The following CDKN2A variants were observed in gnomAD, a reference collection of about 807,000 sequenced individuals.
The protein encoded by CDKN2A is cyclin dependent kinase inhibitor 2A.
In CDKN2A, 3 loss-of-function variants were observed where a neutral mutation model predicts 11.1. The observed-to-expected ratio is 0.27, with a 90% confidence interval of 0.12 to 0.70. The LOEUF (loss-of-function observed/expected upper bound fraction) is 0.70, where lower values mean the gene tolerates loss of function less well. CDKN2A is among the 30% of genes least tolerant of loss of function. The pLI is 0.77. For synonymous variants in CDKN2A, 122 were observed against 108.1 expected, an observed-to-expected ratio of 1.13 and a Z score of -0.80; for missense variants, 265 against 233.6, an observed-to-expected ratio of 1.13 and a Z score of -0.88.
At chr9:21,994,623 C>A in intron 1 of CDKN2A, 1 of 480,780 alleles carries the variant, frequency 2.1e-6, no homozygotes. Flanking sequence ...GAGGCGCGCG[C>A]GCGGGCGGCT....
chr9:21,974,169 G>A lies in CDKN2A; in HGVS notation c.150+509C>T, dbSNP rs1326155446. Among the ~76,000 whole-genome samples the A allele has an allele frequency of 1.3e-5, 2 of 152,298 alleles. No individual in the cohort carries two copies. The highest frequency in any genetic ancestry group is 3.9e-4 in the East Asian group (2 of 5,184). Reference sequence around the variant, plus strand: ...ATCTCCCAAAGTGAAGGGATTACAAGGCGTGAGGCACCGCGCCCGGCCGCT... The same window carrying A: ...ATCTCCCAAAGTGAAGGGATTACAAAGCGTGAGGCACCGCGCCCGGCCGCT... On this transcript the variant is annotated intron_variant, in intron 1 of 2. Transcript: ENST00000304494. This position sits in a 1 kb window ranked among gnomAD's most constrained non-coding sequence, Gnocchi z 5.2.
chr9:21,974,809 T>A lies in CDKN2A; in HGVS notation c.19A>T (p.Ser7Cys), dbSNP rs1554656670. The change falls in exon 1 of 3, where the codon AGC becomes TGC. Residue 7 changes from serine (S) to cysteine (C), a missense_variant. Physicochemically the swap from Ser to Cys is moderately radical, Grantham distance 112 (BLOSUM62 -1). Transcript: ENST00000304494. This position sits in a 1 kb window ranked among gnomAD's most constrained non-coding sequence, Gnocchi z 5.2. Reference sequence around the variant, plus strand: ...CAGTCAGCCGAAGGCTCCATGCTGCTCCCCGCCGCCGGCTCCATGCTGCTC... The same window carrying A: ...CAGTCAGCCGAAGGCTCCATGCTGCACCCCGCCGCCGGCTCCATGCTGCTC... The part of the protein sequence containing the change: MEPAAG[S>C]SMEPSADWLA... 1.2e-6 allele frequency: 2 copies of A among 1,602,350 alleles called. No individual in the cohort carries two copies. Among genetic ancestry groups the A allele is most frequent in the Non-Finnish European group, 8.5e-7 (1 of 1,177,750 alleles).
chr9:21,968,799 C>T lies in CDKN2A; in HGVS notation c.458-557G>A. On this transcript the variant is annotated intron_variant, in intron 2 of 2. Coordinates refer to ENST00000304494, the MANE Select transcript of CDKN2A (RefSeq NM_000077.5). This position sits in a 1 kb window ranked among gnomAD's most constrained non-coding sequence, Gnocchi z 4.7. ...GAAACAAAATGGATGCTCATTTATT[C>T]ATGTGCTCTGGCTTCTGCCTTCCTC... 6.5e-7 allele frequency: 1 copy of T among 1,535,582 alleles called. No individual in the cohort carries two copies. The highest frequency in any genetic ancestry group is 8.7e-7 in the Non-Finnish European group (1 of 1,146,390).
Position 21,994,355 on chromosome 9 carries a change from G to C in CDKN2A, c.-175-302C>G. ...ATGTTCTCGCCGCCTCCAGGGCCGA[G>C]CTCGGCAGCCGCTGCGCCGCCCTTT... On this transcript the variant is annotated intron_variant, in intron 1 of 3. Coordinates refer to the CDKN2A transcript ENST00000494262. 6.2e-7 allele frequency: 1 copy of C among 1,606,904 alleles called. No homozygotes were observed. The highest frequency in any genetic ancestry group is 1.7e-4 in the Middle Eastern group (1 of 6,034).
Position 21,981,071 on chromosome 9 carries a change from CGTGTATATATATATAT to C in CDKN2A, c.-3-9879_-3-9864del, listed in dbSNP as rs1820178258. Among the ~76,000 whole-genome samples, 2 of 50,210 alleles carry C rather than the reference CGTGTATATATATATAT, an allele frequency of 4.0e-5. 1 individual carries two copies. Among genetic ancestry groups the C allele is most frequent in the African/African-American group, 1.6e-4 (2 of 12,128 alleles). 32.9% of individuals were successfully genotyped at this position (50,210 alleles called of 152,430 possible). ...ATATATATACGTGTATATATATATA[CGTGTATATATATATAT>C]ACGTGTATATATATACGTGTATATA... On this transcript the variant is annotated intron_variant, in intron 2 of 3. Transcript: ENST00000494262.
rs965897956 is a variant in CDKN2A at position 21,994,130 on chromosome 9, C to T, written c.-175-77G>A. 6.2e-7 allele frequency: 1 copy of T among 1,600,044 alleles called. No individual in the cohort carries two copies. On this transcript the variant is annotated intron_variant, in intron 1 of 3. Coordinates refer to the CDKN2A transcript ENST00000494262. ...AATGCGCCCCGGACTTTTCGAGGGC[C>T]TTTCCTACCTGGTCTTCTAGGAAGC...
chr9:21,980,613 T>TA (rs1820148379), intron 2 of CDKN2A, among the ~76,000 whole-genome samples: 1 of 152,110 alleles, frequency 6.6e-6, no homozygotes, highest in Admixed American at 6.5e-5. Flanking sequence ...TCAATATTAA[T>TA]TAAGAAAGAA....
Position 21,971,289 on chromosome 9 carries a change from G to T in CDKN2A, c.151-81C>A, listed in dbSNP as rs1214405962. 6 of 1,539,178 alleles carry T rather than the reference G, an allele frequency of 3.9e-6. No homozygotes were observed. The East Asian group carries it at 1.5e-4, about 37-fold the overall frequency. Reference sequence around the variant, plus strand: ...GAAGCTTGTGTAGAGCCCCCTCACCGCCAAGCAGACCCCCACACAAGCCCC... The same window carrying T: ...GAAGCTTGTGTAGAGCCCCCTCACCTCCAAGCAGACCCCCACACAAGCCCC... On this transcript the variant is annotated intron_variant, in intron 1 of 2. Transcript: ENST00000304494.
chr9:21,976,378 C>CAAAA (rs71336505), upstream of CDKN2A, among the ~76,000 whole-genome samples: 3 of 124,204 alleles, frequency 2.4e-5, no homozygotes, highest in African/African-American at 9.2e-5. Flanking sequence ...GACTCCGACT[C>CAAAA]AAAAAAAAAA....
upstream of CDKN2A, among the ~76,000 whole-genome samples, chr9:21,978,404 T>A (rs1267250219): frequency 6.6e-6 from 1 of 152,156 alleles, no homozygotes; most frequent in East Asian, 1.9e-4. Flanking sequence ...CCTAGAAGAA[T>A]GAAAATATAA....
upstream of CDKN2A, among the ~76,000 whole-genome samples, chr9:21,976,117 A>G (rs1587342457): frequency 6.6e-6 from 1 of 152,030 alleles, no homozygotes; most frequent in African/African-American, 2.4e-5. Context: ...GGTGGCTCAC[A>G]CCTGTAATCC....
At chr9:21,971,402 T>C in intron 1 of CDKN2A, 194 bp from the exon 2 acceptor site, 1 of 1,446,116 alleles carries the variant, frequency 6.9e-7, no homozygotes, top group South Asian at 1.5e-5. Context: ...ATGAATTCCA[T>C]TATATCCTCC....
At position 21,974,725 on chromosome 9, in the gene CDKN2A, C is replaced by T. The variant is rs757066045; in HGVS notation, c.103G>A (p.Gly35Arg). ...VEEVRALLEA[G>R]ALPNAPNSYG... is the part of the protein sequence containing the mutation. ...CTATTCGGTGCGTTGGGCAGCGCCC[C>T]CGCCTCCAGCAGCGCCCGCACCTCC... is the stretch of plus-strand genomic sequence containing the variant. The change falls in exon 1 of 3, where the codon GGG (glycine) becomes AGG (arginine). Residue 35 changes from glycine to arginine, a missense_variant. Physicochemically the swap from Gly to Arg is moderately radical, Grantham distance 125. Transcript: ENST00000304494. This position sits in a 1 kb window ranked among gnomAD's most constrained non-coding sequence, Gnocchi z 5.2. 2.5e-6 allele frequency: 4 copies of T among 1,613,108 alleles called. No individual in the cohort carries two copies. Among genetic ancestry groups the T allele is most frequent in the Non-Finnish European group, 3.4e-6 (4 of 1,179,848 alleles).
chr9:21,975,212 C>G (rs977112533), upstream of CDKN2A: 1 of 1,056,964 alleles, frequency 9.5e-7, no homozygotes, highest in African/African-American at 1.7e-5. Flanking sequence ...CCTCCCTGCT[C>G]CCAGCCGCGC....
intron 2 of CDKN2A, among the ~76,000 whole-genome samples, chr9:21,986,751 T>C (rs1175664831): frequency 6.6e-6 from 1 of 152,114 alleles, no homozygotes. Context: ...GAAGAAAGTT[T>C]CAATAAGCTT....
intron 2 of CDKN2A, chr9:21,989,484 C>T (rs755256165): frequency 6.6e-6 from 1 of 152,142 alleles, no homozygotes; most frequent in Non-Finnish European, 1.5e-5. Context: ...ACTCTCTATA[C>T]CATCCTGCAC....
chr9:21,971,854 T>C (rs1243464906), intron 1 of CDKN2A, among the ~76,000 whole-genome samples: 1 of 152,136 alleles, frequency 6.6e-6, no homozygotes, highest in Non-Finnish European at 1.5e-5. Flanking sequence ...AACCTATCCA[T>C]CATCTCAAAT....
chr9:21,980,587 ACT>A (rs1820147179), intron 2 of CDKN2A, among the ~76,000 whole-genome samples: 1 of 152,146 alleles, frequency 6.6e-6, no homozygotes, highest in Admixed American at 6.5e-5. Context: ...TATGTCAGGC[ACT>A]CGGCTTAAAG....
In CDKN2A at chr9:21,968,858, G is replaced by T; in HGVS notation, c.458-616C>A. The T allele has an allele frequency of 7.4e-7, 1 of 1,343,900 alleles. No individual in the cohort carries two copies. Among genetic ancestry groups the T allele is most frequent in the Non-Finnish European group, 1.0e-6 (1 of 972,110 alleles). The allele number at this position is 1,343,900 out of a possible 1,614,324, so 83.2% of individuals were successfully genotyped here. The stretch of plus-strand genomic sequence containing the variant: ...CGTTGCGTATGGGCTCCAGCTCGCC[G>T]TTCGGTTCTCCCGAGGCAGCATTTA... On this transcript the variant is annotated intron_variant, in intron 2 of 2. Transcript: ENST00000304494. The surrounding 1 kb of genome is among the most constrained non-coding windows in gnomAD (Gnocchi z 4.7).
Sources: gnomAD v4.1 joint callset for allele counts (sites outside exome capture counted in the v4.1 genomes callset) on GRCh38, gnomAD v4.1.1 for gene constraint, Gnocchi (gnomAD v3.1) non-coding constraint, MANE v1.5 for transcripts, NCBI Gene and HGNC (gene_info 2026-07-23, HGNC 2026-07-21) for gene names.